Variants in IAPP observed in about 807,000 individuals in gnomAD.
The protein encoded by IAPP is Islet amyloid polypeptide (diabetes-associated peptide; amylin).
IAPP carries 4 observed loss-of-function variants against 2.9 expected under a neutral mutation model. The observed-to-expected ratio is 1.39, with a 90% CI of 0.69 to 3.19. The LOEUF is 3.19. IAPP is among the 30% of genes most tolerant of loss of function. The pLI, the probability that IAPP is intolerant of heterozygous loss-of-function variation, is 0.01. For synonymous variants in IAPP, 40 were observed against 42.1 expected, an observed-to-expected ratio of 0.95 and a Z score of 0.19; for missense variants, 114 against 105.3, an observed-to-expected ratio of 1.08 and a Z score of -0.36.
At chr12:21,368,037 G>A (rs80327461), upstream of IAPP, among the ~76,000 whole-genome samples, 5,804 of 152,146 alleles carry the variant, frequency 0.038, 153 homozygotes, top group African/African-American at 0.069. Context: ...GCAATTATCA[G>A]CAAAGATTGC....
rs575029929 is a variant in IAPP, at chr12:21,377,013, C to CA, written c.81-1217dup. On this transcript the variant is annotated intron_variant, in intron 2 of 2. Coordinates refer to ENST00000240652, the MANE Select transcript of IAPP (RefSeq NM_000415.3). ...AAAGCACATTGAAACAAAAGGCTGTCAAAAAAATAGAGTTGGTATACAAAT... is the reference window on the plus strand; with the variant it reads ...AAAGCACATTGAAACAAAAGGCTGTCAAAAAAAATAGAGTTGGTATACAAAT... Among the ~76,000 whole-genome samples, 108 of 151,666 alleles carry CA rather than the reference C, an allele frequency of 7.1e-4. 1 individual carries two copies. The highest frequency in any genetic ancestry group is 2.6e-3 in the African/African-American group (107 of 41,326).
intron 1 of IAPP, among the ~76,000 whole-genome samples, chr12:21,366,812 A>T (rs2137070990): frequency 6.6e-6 from 1 of 152,046 alleles, no homozygotes; most frequent in Non-Finnish European, 1.5e-5. Flanking sequence ...AAGTTGGTAG[A>T]TTAGGAAACT....
At chr12:21,374,955 A>C (rs1940083768) in intron 2 of IAPP, among the ~76,000 whole-genome samples, 2 of 152,006 alleles carry the variant, frequency 1.3e-5, no homozygotes, top group African/African-American at 4.8e-5. Flanking sequence ...CTGGGACCAC[A>C]GGCACCTGCC....
intron 2 of IAPP, among the ~76,000 whole-genome samples, chr12:21,374,819 G>GTCTCTCTCTCTC (rs71043266): frequency 3.0e-4 from 45 of 148,362 alleles, no homozygotes; most frequent in African/African-American, 1.1e-3. Context: ...TTGAGACAGG[G>GTCTCTCTCTCTC]TCTCTCTCTC....
In IAPP at chr12:21,358,501, A is replaced by G. The variant is rs1429034833; in HGVS notation, c.-16+3488A>G. On this transcript the variant is annotated intron_variant, in intron 1 of 2. Transcript: ENST00000539393. Reference sequence around the variant, plus strand: ...CCTAGAGAAATGTCATCCATGGCTTAGTACTAACACAAAAAGTATTATAAT... The same window carrying G: ...CCTAGAGAAATGTCATCCATGGCTTGGTACTAACACAAAAAGTATTATAAT... Among the ~76,000 whole-genome samples the G allele has an allele frequency of 1.3e-5, 2 of 152,238 alleles. 1 individual carries two copies. The highest frequency in any genetic ancestry group is 6.3e-3 in the Middle Eastern group (2 of 316).
rs1487382592 is a variant in IAPP, at chr12:21,379,646, G to C, written c.*1220G>C. The C allele has an allele frequency of 1.3e-5, 2 of 152,092 alleles. No individual in the cohort carries two copies. Among genetic ancestry groups the C allele is most frequent in the African/African-American group, 4.8e-5 (2 of 41,404 alleles). 9.4% of individuals were successfully genotyped at this position (152,092 alleles called of 1,614,324 possible). A position where few individuals can be genotyped will look rare whatever the true frequency, so the allele number is the denominator to read the frequency against. On this transcript the variant is annotated 3_prime_UTR_variant, in exon 3 of 3. Coordinates refer to ENST00000240652, the MANE Select transcript of IAPP (RefSeq NM_000415.3). ...TTCTTATGAATATCTGCTTTTCCCT[G>C]ACTTTGAGTTAGGTAGCTTTGGAAG...
chr12:21,367,771 G>T (rs1034731979), intron 1 of IAPP, among the ~76,000 whole-genome samples: 1 of 151,716 alleles, frequency 6.6e-6, no homozygotes, highest in Non-Finnish European at 1.5e-5. Context: ...GCAACTGGAA[G>T]GGATTCCTGT....
chr12:21,358,453 A>G (rs959293788), intron 1 of IAPP, among the ~76,000 whole-genome samples: 8 of 152,220 alleles, frequency 5.3e-5, no homozygotes, highest in African/African-American at 1.7e-4. Context: ...TGGTTTTAAA[A>G]CTATGTAGCA....
intron 1 of IAPP, among the ~76,000 whole-genome samples, chr12:21,358,654 T>C (rs1938566132): frequency 6.6e-6 from 1 of 152,078 alleles, no homozygotes; most frequent in African/African-American, 2.4e-5. Flanking sequence ...TAATTTTTTA[T>C]AATTAAAAAT....
intron 1 of IAPP, among the ~76,000 whole-genome samples, chr12:21,359,411 A>AT (rs1425352071): frequency 6.6e-6 from 1 of 152,158 alleles, no homozygotes; most frequent in Non-Finnish European, 1.5e-5. Flanking sequence ...GAAAAAAAAA[A>AT]CACAAACCTG....
intron 2 of IAPP, among the ~76,000 whole-genome samples, chr12:21,375,428 C>G (rs895175756): frequency 6.6e-6 from 1 of 152,092 alleles, no homozygotes; most frequent in Non-Finnish European, 1.5e-5. Context: ...ATTTTAAACT[C>G]TTTTTAAAAA....
Position 21,373,392 on chromosome 12 carries a change from C to A in IAPP, c.41C>A (p.Ser14Tyr). The A allele has an allele frequency of 6.2e-7, 1 of 1,613,628 alleles. No individual in the cohort carries two copies. The highest frequency in any genetic ancestry group is 1.3e-5 in the African/African-American group (1 of 75,034). The change falls in exon 2 of 3, where the codon TCT (serine) becomes TAT (tyrosine). Residue 14 changes from serine to tyrosine, a missense_variant. Coordinates refer to ENST00000240652, the MANE Select transcript of IAPP (RefSeq NM_000415.3). The part of the protein sequence containing the change: ...LKLQVFLIVL[S>Y]VALNHLKATP... ...CTGCAAGTATTTCTCATTGTGCTCTCTGTTGCATTGAACCATCTGAAAGCT... is the reference window on the plus strand; with the variant it reads ...CTGCAAGTATTTCTCATTGTGCTCTATGTTGCATTGAACCATCTGAAAGCT...
chr12:21,360,531 G>T (rs747029251), intron 1 of IAPP, among the ~76,000 whole-genome samples: 1 of 152,216 alleles, frequency 6.6e-6, no homozygotes, highest in African/African-American at 2.4e-5. Flanking sequence ...GAGGTACCAG[G>T]TTCATCTCAC....
chr12:21,363,401 T>C (rs1939095461), intron 1 of IAPP, among the ~76,000 whole-genome samples: 1 of 152,272 alleles, frequency 6.6e-6, no homozygotes, highest in Admixed American at 6.5e-5. Context: ...AAGCTGTATG[T>C]AGAGGGAAAT....
At position 21,373,508 on chromosome 12, in the gene IAPP, AC is replaced by A. The variant is rs1329332327; in HGVS notation, c.80+78del. 39 of 953,420 alleles carry A rather than the reference AC, an allele frequency of 4.1e-5. No homozygotes were observed. The Admixed American group carries it at 6.7e-4, about 16-fold the overall frequency. The allele number at this position is 953,420 out of a possible 1,614,324, so 59.1% of individuals were successfully genotyped here. A position where few individuals can be genotyped will look rare whatever the true frequency, so the allele number is the denominator to read the frequency against. On this transcript the variant is annotated intron_variant, in intron 2 of 2. Transcript: ENST00000240652. ...AATTAGAATTAAATACTGTCAAATA[AC>A]TACAGCCTTAGATTTCTGACTATAT...
intron 1 of IAPP, among the ~76,000 whole-genome samples, chr12:21,358,003 G>A (rs1289277959): frequency 1.3e-5 from 2 of 152,116 alleles, no homozygotes; most frequent in Non-Finnish European, 2.9e-5. Flanking sequence ...TGGGTGGGTG[G>A]CGTGAGGTGG....
At chr12:21,364,301 T>C (rs1435050110) in intron 1 of IAPP, among the ~76,000 whole-genome samples, 2 of 152,146 alleles carry the variant, frequency 1.3e-5, no homozygotes, top group East Asian at 3.8e-4. Context: ...AAAAACCACA[T>C]GATTATCTCA....
At chr12:21,370,135 C>CT (rs1939672492), upstream of IAPP, among the ~76,000 whole-genome samples, 1 of 152,016 alleles carries the variant, frequency 6.6e-6, no homozygotes, top group Non-Finnish European at 1.5e-5. Flanking sequence ...AAGAATTTGT[C>CT]TTTCATTCTG....
rs748342316 is a variant in IAPP, at chr12:21,378,452, G to T, written c.*26G>T. The stretch of plus-strand genomic sequence containing the variant: ...AGGACAATGTAACTCTATAGTTATT[G>T]TTTTATGTTCTAGTGATTTCCTGTA... On this transcript the variant is annotated 3_prime_UTR_variant, in exon 3 of 3. Coordinates refer to ENST00000240652, the MANE Select transcript of IAPP (RefSeq NM_000415.3). 7 of 1,568,984 alleles carry T rather than the reference G, an allele frequency of 4.5e-6. No individual in the cohort carries two copies. Among genetic ancestry groups the T allele is most frequent in the Non-Finnish European group, 4.4e-6 (5 of 1,138,908 alleles).
Sources: gnomAD v4.1 joint callset for allele counts (sites outside exome capture counted in the v4.1 genomes callset) on GRCh38, gnomAD v4.1.1 for gene constraint, MANE v1.5 for transcripts, NCBI Gene and HGNC (gene_info 2026-07-23, HGNC 2026-07-21) for gene names.